The following CSGALNACT1 variants were observed in gnomAD, a reference collection of about 807,000 sequenced individuals.
CSGALNACT1 encodes the protein chondroitin sulfate N-acetylgalactosaminyltransferase 1.
A neutral mutation model predicts 51.0 loss-of-function variants in CSGALNACT1; 52 were observed. The ratio of observed to expected loss-of-function variants is 1.02; its 90% CI spans 0.82 to 1.29. CSGALNACT1 has a LOEUF of 1.29. Among genes scored for constraint, CSGALNACT1 ranks in the 50% most tolerant of loss-of-function variants. The probability of loss-of-function intolerance (pLI) is 0.00; values close to 1 mark genes in which losing one functional copy is unlikely to be tolerated. For missense variants in CSGALNACT1, 935 were observed against 679.2 expected, an observed-to-expected ratio of 1.38 and a Z score of -4.19; for synonymous variants, 341 against 254.4, an observed-to-expected ratio of 1.34 and a Z score of -3.24.
chr8:19,746,841 C>T (rs146934426), intron 1 of CSGALNACT1, among the ~76,000 whole-genome samples: 4 of 152,260 alleles, frequency 2.6e-5, no homozygotes, highest in African/African-American at 9.6e-5. Context: ...CAAAGCTTTG[C>T]CATTCATTCT....
In CSGALNACT1 at chr8:19,407,729, TTG is replaced by T. The variant is rs536197058; in HGVS notation, c.1309+882_1309+883del. ...ACCACAGGCGTGCGCATGTGCATATTTGTGTATGAATTGTGTGTGCATGTGGA... is the reference window on the plus strand; with the variant it reads ...ACCACAGGCGTGCGCATGTGCATATTTGTATGAATTGTGTGTGCATGTGGA... On this transcript the variant is annotated intron_variant, in intron 9 of 9. Coordinates refer to ENST00000454498, the Ensembl canonical transcript of CSGALNACT1. 6.8e-5 allele frequency among the ~76,000 whole-genome samples: 10 copies of T among 147,974 alleles called. No homozygotes were observed. In the East Asian group the frequency reaches 2.0e-3, roughly 29 times the overall value.
At chr8:19,589,518 G>C (rs1186774962) in intron 3 of CSGALNACT1, among the ~76,000 whole-genome samples, 1 of 152,150 alleles carries the variant, frequency 6.6e-6, no homozygotes, top group Non-Finnish European at 1.5e-5. Context: ...TAGAGATGGA[G>C]TTTAATCACG....
At chr8:19,499,969 A>T (rs2076138612) in intron 4 of CSGALNACT1, among the ~76,000 whole-genome samples, 1 of 152,220 alleles carries the variant, frequency 6.6e-6, no homozygotes, top group South Asian at 2.1e-4. Context: ...CATTCTACAA[A>T]GTACAGCCTC....
At chr8:19,534,020 A>G (rs111286845) in intron 3 of CSGALNACT1, among the ~76,000 whole-genome samples, 23 of 152,288 alleles carry the variant, frequency 1.5e-4, no homozygotes, top group African/African-American at 5.1e-4. Flanking sequence ...TCAGATGCAG[A>G]ATTTGGTCTT....
chr8:19,512,366 C>A (rs1048691583), intron 3 of CSGALNACT1, among the ~76,000 whole-genome samples: 1 of 152,182 alleles, frequency 6.6e-6, no homozygotes, highest in Admixed American at 6.5e-5. Context: ...CAACCCTGAA[C>A]GAAAACTATC....
intron 6 of CSGALNACT1, among the ~76,000 whole-genome samples, chr8:19,427,376 T>G (rs191961246): frequency 6.6e-6 from 1 of 152,344 alleles, no homozygotes; most frequent in African/African-American, 2.4e-5. Context: ...TGCTTGTGTT[T>G]TGAATCGAGA....
At chr8:19,644,120 T>TA in intron 1 of CSGALNACT1, among the ~76,000 whole-genome samples, 1 of 152,332 alleles carries the variant, frequency 6.6e-6, no homozygotes, top group South Asian at 2.1e-4. Flanking sequence ...TATGAGTTTT[T>TA]AATAGAAAAT....
chr8:19,648,478 T>C (rs1589254899), intron 1 of CSGALNACT1, among the ~76,000 whole-genome samples: 2 of 152,178 alleles, frequency 1.3e-5, no homozygotes, highest in Admixed American at 1.3e-4. Flanking sequence ...CATGTACACA[T>C]CGATTTCACC....
intron 1 of CSGALNACT1, among the ~76,000 whole-genome samples, chr8:19,756,621 C>A (rs550821416): frequency 2.4e-4 from 37 of 151,950 alleles, no homozygotes; most frequent in Non-Finnish European, 5.0e-4. Flanking sequence ...TTCTGCCCAC[C>A]GATCGCACGT....
intron 4 of CSGALNACT1, among the ~76,000 whole-genome samples, chr8:19,473,371 T>C (rs1020353971): frequency 2.0e-5 from 3 of 152,166 alleles, no homozygotes; most frequent in Non-Finnish European, 4.4e-5. Flanking sequence ...CTCCCAATCA[T>C]CTGTTCTAGT....
chr8:19,505,454 C>A, exon 4 of CSGALNACT1: 1 of 1,614,218 alleles, frequency 6.2e-7, no homozygotes. Context: ...CCTTGTCCAC[C>A]TGCGAGTGCA....
chr8:19,408,734 G>T (rs572380887), intron 8 of CSGALNACT1, 40 bp from the exon 8 acceptor site: 1 of 1,587,816 alleles, frequency 6.3e-7, no homozygotes, highest in East Asian at 2.2e-5. Context: ...AAAGTTTAGG[G>T]TGGACAAAAA....
intron 1 of CSGALNACT1, among the ~76,000 whole-genome samples, chr8:19,640,026 G>A (rs2056554313): frequency 6.6e-6 from 1 of 151,810 alleles, no homozygotes; most frequent in African/African-American, 2.4e-5. Context: ...GGGACTACAG[G>A]CGCACCACCA....
intron 1 of CSGALNACT1, among the ~76,000 whole-genome samples, chr8:19,704,627 C>T (rs1443811799): frequency 2.0e-5 from 3 of 152,176 alleles, no homozygotes; most frequent in South Asian, 2.1e-4. Context: ...GCACTATTTT[C>T]ACTGCAGCAT....
At chr8:19,676,731 C>G (rs954100513) in intron 1 of CSGALNACT1, among the ~76,000 whole-genome samples, 5 of 152,150 alleles carry the variant, frequency 3.3e-5, no homozygotes, top group African/African-American at 7.2e-5. Flanking sequence ...GGGAGCCGCA[C>G]AAGCATTGTC....
intron 1 of CSGALNACT1, among the ~76,000 whole-genome samples, chr8:19,698,473 A>G (rs2061691216): frequency 6.6e-6 from 1 of 152,234 alleles, no homozygotes; most frequent in African/African-American, 2.4e-5. Context: ...TGTTTTTTAC[A>G]GACATTTACA....
intron 1 of CSGALNACT1, among the ~76,000 whole-genome samples, chr8:19,680,372 G>A (rs11784031): frequency 2.6e-5 from 4 of 152,126 alleles, no homozygotes; most frequent in Middle Eastern, 3.4e-3. Context: ...CCTGGCCAAC[G>A]TGGCAAAACC....
Position 19,601,812 on chromosome 8 carries a change from T to C in CSGALNACT1, c.-457A>G. 2.2e-6 allele frequency: 1 copy of C among 454,086 alleles called. No individual in the cohort carries two copies. The highest frequency in any genetic ancestry group is 2.3e-5 in the Admixed American group (1 of 42,570). 28.1% of individuals were successfully genotyped at this position (454,086 alleles called of 1,614,324 possible). On this transcript the variant is annotated 5_prime_UTR_variant, in exon 2 of 10. An upstream start codon of the reference 5' UTR is lost. Coordinates refer to ENST00000454498, the Ensembl canonical transcript of CSGALNACT1. The stretch of plus-strand genomic sequence containing the variant: ...GGAAGGTTAGGAGGTGGCTACATCA[T>C]TGCTCCTCTGGGTCAAAATTACCTT...
intron 4 of CSGALNACT1, among the ~76,000 whole-genome samples, chr8:19,458,911 G>C (rs1375155303): frequency 6.6e-6 from 1 of 152,172 alleles, no homozygotes; most frequent in Admixed American, 6.5e-5. Flanking sequence ...ATAGGATACA[G>C]AGGCATTTGC....
Sources: gnomAD v4.1 joint callset for allele counts (sites outside exome capture counted in the v4.1 genomes callset) on GRCh38, gnomAD v4.1.1 for gene constraint, MANE v1.5 for transcripts, NCBI Gene and HGNC (gene_info 2026-07-23, HGNC 2026-07-21) for gene names.